The following SLFN12 variants were observed in gnomAD, a reference collection of about 807,000 sequenced individuals.
The protein encoded by SLFN12 is ribonuclease SLFN12.
In SLFN12, 25 loss-of-function variants were observed where a neutral mutation model predicts 29.1. The ratio of observed to expected loss-of-function variants is 0.86; its 90% CI spans 0.63 to 1.20. The LOEUF is 1.20. Among genes scored for constraint, SLFN12 ranks in the 50% most tolerant of loss-of-function variants. The probability of loss-of-function intolerance (pLI) is 0.00; values close to 1 mark genes in which losing one functional copy is unlikely to be tolerated. For missense variants in SLFN12, 660 were observed against 666.2 expected, an observed-to-expected ratio of 0.99 and a Z score of 0.10; for synonymous variants, 257 against 238.7, an observed-to-expected ratio of 1.08 and a Z score of -0.71.
Position 35,422,410 on chromosome 17 carries a change from T to C in SLFN12, c.619A>G (p.Lys207Glu). Residue 207 changes from lysine (K) to glutamate (E), a missense_variant, in exon 2 of 4, where the codon AAA becomes GAA. Coordinates refer to ENST00000304905, the MANE Select transcript of SLFN12 (RefSeq NM_018042.5). ...AACAACTTTTCTGTCGAGAAGTTTT[T>C]AATTTCAACATGTGTGGATTCAGTA... ...TFTESTHVEI[K>E]NFSTEKLLQR... 1 of 1,613,934 alleles carries C rather than the reference T, an allele frequency of 6.2e-7. No homozygotes were observed. Among genetic ancestry groups the C allele is most frequent in the East Asian group, 2.2e-5 (1 of 44,886 alleles).
At chr17:35,416,681 G>C (rs1472001344) in intron 3 of SLFN12, among the ~76,000 whole-genome samples, 1 of 152,124 alleles carries the variant, frequency 6.6e-6, no homozygotes, top group African/African-American at 2.4e-5. Context: ...GCCAGCTATT[G>C]AATTTAGGAT....
intron 3 of SLFN12, among the ~76,000 whole-genome samples, chr17:35,416,149 A>G (rs1473642597): frequency 2.6e-5 from 4 of 152,204 alleles, no homozygotes; most frequent in African/African-American, 9.6e-5. Context: ...TGTGGTATAT[A>G]TACACCATGG....
intron 1 of SLFN12, among the ~76,000 whole-genome samples, chr17:35,425,391 A>G (rs775055242): frequency 9.2e-5 from 14 of 152,026 alleles, no homozygotes; most frequent in Non-Finnish European, 1.6e-4. Flanking sequence ...CTCCTATCTA[A>G]CTGACATTTT....
chr17:35,418,780 A>C (rs918242733), intron 3 of SLFN12, among the ~76,000 whole-genome samples: 1 of 152,236 alleles, frequency 6.6e-6, no homozygotes, highest in Non-Finnish European at 1.5e-5. Flanking sequence ...GCGGCTGGGA[A>C]AGTTGTTATC....
chr17:35,428,470 T>G (rs971199055), intron 1 of SLFN12, among the ~76,000 whole-genome samples: 3 of 152,066 alleles, frequency 2.0e-5, no homozygotes, highest in African/African-American at 7.2e-5. Context: ...CTGTAATTTT[T>G]GGGGGTAAGA....
chr17:35,415,936 A>G (rs1203122194), intron 3 of SLFN12, among the ~76,000 whole-genome samples: 1 of 152,194 alleles, frequency 6.6e-6, no homozygotes, highest in Non-Finnish European at 1.5e-5. Context: ...ACCACTGTGG[A>G]AAAATGTGTG....
At chr17:35,417,353 A>T (rs1196401039) in intron 3 of SLFN12, among the ~76,000 whole-genome samples, 1 of 152,140 alleles carries the variant, frequency 6.6e-6, no homozygotes, top group Non-Finnish European at 1.5e-5. Context: ...CATCCATGAT[A>T]AAAAAAGAAA....
Position 35,422,872 on chromosome 17 carries a change from T to G in SLFN12, c.157A>C (p.Asn53His). The part of the protein sequence containing the change: ...SVSRAMCALL[N>H]SGGGVIKAEI... ...GCCTTGATCACTCCCCCTCCAGAATTGAGCAGAGCACACATAGCTCGTGAG... is the reference window on the plus strand; with the variant it reads ...GCCTTGATCACTCCCCCTCCAGAATGGAGCAGAGCACACATAGCTCGTGAG... The change falls in exon 2 of 4, where the codon AAT (asparagine) becomes CAT (histidine). Residue 53 changes from asparagine (N) to histidine (H), a missense_variant. Asn to His is a moderately conservative substitution (Grantham distance 68, BLOSUM62 1). Coordinates refer to ENST00000304905, the MANE Select transcript of SLFN12 (RefSeq NM_018042.5). The G allele has an allele frequency of 1.2e-6, 2 of 1,614,070 alleles. No homozygotes were observed. The highest frequency in any genetic ancestry group is 8.5e-7 in the Non-Finnish European group (1 of 1,179,994).
chr17:35,417,698 T>C (rs1341283519), intron 3 of SLFN12, among the ~76,000 whole-genome samples: 1 of 152,146 alleles, frequency 6.6e-6, no homozygotes, highest in Non-Finnish European at 1.5e-5. Context: ...AAACATTTTA[T>C]GATCTGCATA....
intron 1 of SLFN12, among the ~76,000 whole-genome samples, chr17:35,426,090 G>A (rs1912007458): frequency 6.6e-6 from 1 of 151,100 alleles, no homozygotes; most frequent in Non-Finnish European, 1.5e-5. Context: ...CCATTAGAAT[G>A]TCTTCTCTTG....
At chr17:35,424,204 A>C (rs1231532153) in intron 1 of SLFN12, among the ~76,000 whole-genome samples, 2 of 152,170 alleles carry the variant, frequency 1.3e-5, no homozygotes, top group African/African-American at 4.8e-5. Context: ...GTAACTTTTT[A>C]AGTTAAGAAG....
chr17:35,412,901 A>G (rs1911106091), intron 3 of SLFN12, among the ~76,000 whole-genome samples: 1 of 152,004 alleles, frequency 6.6e-6, no homozygotes, highest in Non-Finnish European at 1.5e-5. Flanking sequence ...CCTTAGAAAA[A>G]CTAAAATTGA....
chr17:35,427,632 T>C (rs943984167), intron 1 of SLFN12, among the ~76,000 whole-genome samples: 1 of 152,134 alleles, frequency 6.6e-6, no homozygotes, highest in African/African-American at 2.4e-5. Flanking sequence ...TTTCCATGTA[T>C]CAATATAGTA....
chr17:35,414,171 A>G (rs1243777718), intron 3 of SLFN12, among the ~76,000 whole-genome samples: 1 of 152,138 alleles, frequency 6.6e-6, no homozygotes, highest in Non-Finnish European at 1.5e-5. Flanking sequence ...TCCAAACTGG[A>G]AAATAAGAAA....
intron 1 of SLFN12, among the ~76,000 whole-genome samples, chr17:35,423,292 T>C (rs1288514944): frequency 6.6e-6 from 1 of 152,140 alleles, no homozygotes; most frequent in Non-Finnish European, 1.5e-5. Context: ...GTATTCTAAT[T>C]ATGTAATCTC....
intron 3 of SLFN12, among the ~76,000 whole-genome samples, chr17:35,414,227 A>T (rs1158458738): frequency 6.6e-6 from 1 of 152,084 alleles, no homozygotes; most frequent in Non-Finnish European, 1.5e-5. Context: ...TATATAGAAA[A>T]CCTTAAAGAT....
chr17:35,428,647 A>T (rs1472182362), intron 1 of SLFN12, among the ~76,000 whole-genome samples: 1 of 152,124 alleles, frequency 6.6e-6, no homozygotes, highest in Non-Finnish European at 1.5e-5. Context: ...CATATGACCC[A>T]GGGAGATTCC....
intron 2 of SLFN12, among the ~76,000 whole-genome samples, chr17:35,421,467 T>C (rs996297771): frequency 4.6e-5 from 7 of 151,338 alleles, no homozygotes; most frequent in African/African-American, 1.7e-4. Context: ...TAAAAGTAGA[T>C]GATGTGCTTA....
Position 35,411,812 on chromosome 17 carries a change from T to A in SLFN12, c.1263A>T (p.Ser421=). The A allele has an allele frequency of 6.2e-7, 1 of 1,613,982 alleles. No homozygotes were observed. The highest frequency in any genetic ancestry group is 8.5e-7 in the Non-Finnish European group (1 of 1,179,928). The change falls in exon 4 of 4, where the codon TCA becomes TCT. Residue 421 remains serine, a synonymous_variant. Coordinates refer to ENST00000304905, the MANE Select transcript of SLFN12 (RefSeq NM_018042.5). ...CEEMDSVRKG[S]LIFSRSWSVD... is the part of the protein sequence containing the mutation. ...CAGACCAGCTCCTAGAGAAGATCAG[T>A]GAGCCCTTTCTGACAGAGTCCATTT...
Sources: allele counts gnomAD v4.1 joint callset (sites outside exome capture counted in the v4.1 genomes callset), GRCh38; gene constraint gnomAD v4.1.1; transcripts MANE v1.5; gene names NCBI Gene and HGNC (gene_info 2026-07-23, HGNC 2026-07-21).